POLR1A: variants seen among roughly 807,000 people sequenced by gnomAD.
The protein encoded by POLR1A is RNA polymerase I subunit A.
POLR1A carries 84 observed loss-of-function variants against 205.3 expected under a neutral mutation model. The observed-to-expected ratio is 0.41, with a 90% CI of 0.34 to 0.49. The LOEUF (loss-of-function observed/expected upper bound fraction) is 0.49, where lower values mean the gene tolerates loss of function less well. Among genes scored for constraint, POLR1A ranks in the 20% least tolerant of loss-of-function variants. The probability of loss-of-function intolerance (pLI) is 0.22; values close to 1 mark genes in which losing one functional copy is unlikely to be tolerated. For synonymous variants in POLR1A, 799 were observed against 863.7 expected (o/e 0.93, Z 1.31); for missense variants, 1,645 against 2,204.5 (o/e 0.75, Z 5.08).
chr2:86,095,285 ATG>A (rs1240320749), intron 3 of POLR1A, among the ~76,000 whole-genome samples: 1 of 152,216 alleles, frequency 6.6e-6, no homozygotes, highest in African/African-American at 2.4e-5. Context: ...CAACTTTTCT[ATG>A]TGACAAGAAA....
At position 86,070,695 on chromosome 2, in the gene POLR1A, TCC is replaced by T. The variant is rs56392642; in HGVS notation, c.1612-425_1612-424del. Reference sequence around the variant, plus strand: ...TGAAAGGCATTGGCAGACTTTCGAATCCCCCCCCCGCCGTGATCACATGTGAG... The same window carrying T: ...TGAAAGGCATTGGCAGACTTTCGAATCCCCCCCGCCGTGATCACATGTGAG... On this transcript the variant is annotated intron_variant, in intron 12 of 33. Coordinates refer to ENST00000263857, the MANE Select transcript of POLR1A (RefSeq NM_015425.6). The surrounding 1 kb of genome is among the most constrained non-coding windows in gnomAD (Gnocchi z 4.4). Among the ~76,000 whole-genome samples the T allele has an allele frequency of 0.47, 50,445 of 106,812 alleles. 9,774 individuals are homozygous for T. The highest frequency in any genetic ancestry group is 0.65 in the East Asian group (3,222 of 4,972). 70.1% of individuals were successfully genotyped at this position (106,812 alleles called of 152,430 possible).
rs769079562 is a variant in POLR1A at position 86,042,954 on chromosome 2, A to G, written c.3357+20T>C. Reference sequence around the variant, plus strand: ...AGCCTGGACGTGCTGGACATTAAGGACACCACCTCCCTGCATCACCTCCTG... The same window carrying G: ...AGCCTGGACGTGCTGGACATTAAGGGCACCACCTCCCTGCATCACCTCCTG... On this transcript the variant is annotated intron_variant, in intron 23 of 33. Transcript: ENST00000263857. The G allele has an allele frequency of 6.3e-7, 1 of 1,576,800 alleles. No individual in the cohort carries two copies. The highest frequency in any genetic ancestry group is 8.7e-7 in the Non-Finnish European group (1 of 1,146,702).
chr2:86,081,327 C>A (rs1673397437), intron 8 of POLR1A, among the ~76,000 whole-genome samples: 1 of 152,106 alleles, frequency 6.6e-6, no homozygotes, highest in Non-Finnish European at 1.5e-5. Flanking sequence ...ACCCAGGAGG[C>A]AGAGGTTGCA....
Position 86,048,747 on chromosome 2 carries a change from T to C in POLR1A, c.2634+137A>G. ...CCTTCAAAACAACGAGTTCTACCCA[T>C]CCCACCTCGCATCTCACCTAGTCAG... On this transcript the variant is annotated intron_variant, in intron 18 of 33. Transcript: ENST00000263857. 5.4e-6 allele frequency: 4 copies of C among 742,762 alleles called. No individual in the cohort carries two copies. The South Asian group carries it at 7.0e-5, about 13-fold the overall frequency. The allele number at this position is 742,762 out of a possible 1,614,324, so 46.0% of individuals were successfully genotyped here.
At chr2:86,058,439 C>T (rs1053969610) in intron 14 of POLR1A, among the ~76,000 whole-genome samples, 1 of 139,556 alleles carries the variant, frequency 7.2e-6, no homozygotes, top group Admixed American at 7.4e-5. Flanking sequence ...ATGGGGGTCT[C>T]ACTGTGTTGC....
intron 27 of POLR1A, 102 bp from the exon 28 acceptor site, chr2:86,033,889 G>A: frequency 7.1e-7 from 1 of 1,416,498 alleles, no homozygotes; most frequent in South Asian, 1.3e-5. Context: ...CAGGGGATCA[G>A]TGCACGAGAT....
At position 86,098,592 on chromosome 2, in the gene POLR1A, ACCACCACTAC is replaced by A; in HGVS notation, c.432+9_432+18del. The A allele has an allele frequency of 6.2e-7, 1 of 1,610,160 alleles. No homozygotes were observed. The highest frequency in any genetic ancestry group is 8.5e-7 in the Non-Finnish European group (1 of 1,178,824). On this transcript the variant is annotated intron_variant, in intron 3 of 33. Transcript: ENST00000263857. ...CACTTTGCCTTTTCTGATTTCTGTG[ACCACCACTAC>A]CCACCTACCCTGTTCAGAATTCTCT...
At chr2:86,055,078 T>C (rs1316115627) in intron 14 of POLR1A, among the ~76,000 whole-genome samples, 4 of 152,178 alleles carry the variant, frequency 2.6e-5, no homozygotes, top group Non-Finnish European at 5.9e-5. Flanking sequence ...GGGTGGATCA[T>C]GAGGTCAAGA....
chr2:86,047,359 G>A (rs777746395), intron 18 of POLR1A, 96 bp from the exon 19 acceptor site: 17 of 800,656 alleles, frequency 2.1e-5, no homozygotes, highest in Non-Finnish European at 3.6e-5. Context: ...AATACAGCCA[G>A]AATATTTATT....
chr2:86,050,186 G>A (rs1364574491), intron 16 of POLR1A, among the ~76,000 whole-genome samples: 4 of 152,136 alleles, frequency 2.6e-5, no homozygotes, highest in Admixed American at 6.5e-5. Flanking sequence ...AAAGTGCTGG[G>A]ATTGCAGGAG....
In POLR1A at chr2:86,038,191, C is replaced by T. The variant is rs958896216; in HGVS notation, c.4034+509G>A. Among the ~76,000 whole-genome samples, 4 of 152,224 alleles carry T rather than the reference C, an allele frequency of 2.6e-5. No homozygotes were observed. In the East Asian group the frequency reaches 7.7e-4, roughly 29 times the overall value. On this transcript the variant is annotated intron_variant, in intron 27 of 33. Coordinates refer to ENST00000263857, the MANE Select transcript of POLR1A (RefSeq NM_015425.6). ...ACTGGACAGGAACTCGGGACAGGAACTCGAATTTCTCTGGAGGCAATCCTG... is the reference window on the plus strand; with the variant it reads ...ACTGGACAGGAACTCGGGACAGGAATTCGAATTTCTCTGGAGGCAATCCTG...
chr2:86,096,873 T>A (rs6759862), intron 3 of POLR1A, among the ~76,000 whole-genome samples: 110,691 of 151,956 alleles, frequency 0.73, 42,478 homozygotes, highest in Non-Finnish European at 0.84. Flanking sequence ...AAATGAGATT[T>A]TATCAAACTA....
rs1392733746 is a variant in POLR1A, at chr2:86,043,163, A to C, written c.3168T>G (p.Val1056=). ...CTTTTTTGGGATCTGCTCTGGATAAAACTTCATGGAGATGCTGTGATTTCA... is the reference window on the plus strand; with the variant it reads ...CTTTTTTGGGATCTGCTCTGGATAACACTTCATGGAGATGCTGTGATTTCA... ...VIMKSQHLHE[V]LSRADPKKAL... Residue 1056 remains valine, a synonymous_variant, in exon 23 of 34, where the codon GTT becomes GTG. Coordinates refer to ENST00000263857, the MANE Select transcript of POLR1A (RefSeq NM_015425.6). 5 of 1,613,692 alleles carry C rather than the reference A, an allele frequency of 3.1e-6. No individual in the cohort carries two copies. In the East Asian group the frequency reaches 1.1e-4, roughly 36 times the overall value.
At chr2:86,051,290 A>G (rs1455909330) in intron 16 of POLR1A, among the ~76,000 whole-genome samples, 2 of 152,160 alleles carry the variant, frequency 1.3e-5, no homozygotes, top group African/African-American at 4.8e-5. Flanking sequence ...GTCTAGAAAA[A>G]CAAACATCAA....
intron 6 of POLR1A, among the ~76,000 whole-genome samples, chr2:86,087,183 T>C (rs551974474): frequency 3.9e-4 from 60 of 152,386 alleles, no homozygotes; most frequent in African/African-American, 1.1e-3. Flanking sequence ...AGGAATTCTC[T>C]GTACTATGTT....
At chr2:86,097,201 T>G (rs1343315213) in intron 3 of POLR1A, among the ~76,000 whole-genome samples, 1 of 55,958 alleles carries the variant, frequency 1.8e-5, no homozygotes, top group Non-Finnish European at 3.3e-5. Flanking sequence ...TTAGGATGGC[T>G]ATCCCCAAAA....
At chr2:86,035,447 G>C (rs966487438) in intron 27 of POLR1A, among the ~76,000 whole-genome samples, 1 of 152,176 alleles carries the variant, frequency 6.6e-6, no homozygotes, top group Non-Finnish European at 1.5e-5. Flanking sequence ...CTGCAACATG[G>C]GATCACTCTC....
chr2:86,072,676 G>T (rs1389774604), intron 12 of POLR1A, among the ~76,000 whole-genome samples: 1 of 152,258 alleles, frequency 6.6e-6, no homozygotes, highest in Non-Finnish European at 1.5e-5. Context: ...CCTGCTTCTG[G>T]CAGGCTGCTG....
intron 27 of POLR1A, among the ~76,000 whole-genome samples, chr2:86,036,770 T>A (rs1245756553): frequency 6.6e-6 from 1 of 152,232 alleles, no homozygotes; most frequent in African/African-American, 2.4e-5. Context: ...CAAAAGCTAC[T>A]GCGCATGGCT....
Sources: gnomAD v4.1 joint callset for allele counts (sites outside exome capture counted in the v4.1 genomes callset) on GRCh38, gnomAD v4.1.1 for gene constraint, Gnocchi (gnomAD v3.1) non-coding constraint, MANE v1.5 for transcripts, NCBI Gene and HGNC (gene_info 2026-07-23, HGNC 2026-07-21) for gene names.